The following FCAR variants were observed in gnomAD, a reference collection of about 807,000 sequenced individuals.
FCAR encodes Fc alpha receptor, also known as immunoglobulin alpha Fc receptor.
FCAR carries 21 observed loss-of-function variants against 27.1 expected under a neutral mutation model. The observed-to-expected ratio is 0.77, with a 90% CI of 0.55 to 1.11. FCAR has a LOEUF of 1.11. Ranked by LOEUF, FCAR falls within the 50% of genes most tolerant of loss-of-function variation. The pLI, the probability that FCAR is intolerant of heterozygous loss-of-function variation, is 0.00. For missense variants in FCAR, 404 were observed against 358.4 expected, an observed-to-expected ratio of 1.13 and a Z score of -1.03; for synonymous variants, 134 against 135.8, an observed-to-expected ratio of 0.99 and a Z score of 0.09.
chr19:54,876,345 C>G (rs1364929722), intron 2 of FCAR, among the ~76,000 whole-genome samples: 1 of 152,124 alleles, frequency 6.6e-6, no homozygotes, highest in Non-Finnish European at 1.5e-5. Flanking sequence ...ATTGCTCTAG[C>G]TAGGACCTCC....
Position 54,886,262 on chromosome 19 carries a change from A to ACAC in FCAR, c.361+737_361+738insCAC, listed in dbSNP as rs927463803. ...GACTCCATCTCACACACACACACAC[A>ACAC]AAAAGATTTCACATTGCATTCAGGT... On this transcript the variant is annotated intron_variant, in intron 3 of 4. Transcript: ENST00000355524. Among the ~76,000 whole-genome samples the ACAC allele has an allele frequency of 2.0e-4, 29 of 145,346 alleles. No individual in the cohort carries two copies. The South Asian group carries it at 2.2e-3, about 11-fold the overall frequency.
At chr19:54,888,678 G>C in intron 4 of FCAR, 5 of 575,598 alleles carry the variant, frequency 8.7e-6, no homozygotes, top group Non-Finnish European at 1.1e-5. Context: ...CTCCTGAGTA[G>C]CTGGGACCAC....
rs587749443 is a variant in FCAR, at chr19:54,889,705, C to A, written c.706C>A (p.Leu236Met). 1.4e-4 allele frequency: 224 copies of A among 1,614,154 alleles called. No individual in the cohort carries two copies. In the South Asian group the frequency reaches 2.3e-3, roughly 17 times the overall value. ...CTTGATCCGCATGGCCGTGGCAGGA[C>A]TGGTCCTCGTGGCTCTCTTGGCCAT... ...QNLIRMAVAG[L>M]VLVALLAILV... Residue 236 changes from leucine to methionine, a missense_variant, in exon 5 of 5, where the codon CTG becomes ATG. By Grantham distance (15) the Leu-to-Met change is conservative. Coordinates refer to ENST00000355524, the MANE Select transcript of FCAR (RefSeq NM_002000.4).
At chr19:54,881,144 C>T (rs1448300217) in intron 2 of FCAR, among the ~76,000 whole-genome samples, 5 of 152,138 alleles carry the variant, frequency 3.3e-5, no homozygotes, top group Non-Finnish European at 5.9e-5. Flanking sequence ...TGGAACTCCA[C>T]CCCAGAGAGA....
At position 54,889,804 on chromosome 19, in the gene FCAR, A is replaced by G. The variant is rs16986050; in HGVS notation, c.805A>G (p.Ser269Gly). The change falls in exon 5 of 5, where the codon AGC (serine) becomes GGC (glycine). Residue 269 changes from serine (S) to glycine (G), a missense_variant. Ser to Gly is a moderately conservative substitution (Grantham distance 56, BLOSUM62 0). Transcript: ENST00000355524. Reference sequence around the variant, plus strand: ...GGCAGATGTGGCTGAACCGAGCTGGAGCCAACAGATGTGTCAGCCAGGATT... The same window carrying G: ...GGCAGATGTGGCTGAACCGAGCTGGGGCCAACAGATGTGTCAGCCAGGATT... ...ASADVAEPSWSQQMCQPGLTF... is the reference protein window; with the variant it reads ...ASADVAEPSWGQQMCQPGLTF... 277,462 of 1,611,724 alleles carry G rather than the reference A, an allele frequency of 0.17. 26,796 individuals carry two copies. The highest frequency in any genetic ancestry group is 0.31 in the African/African-American group (23,563 of 74,916).
intron 2 of FCAR, among the ~76,000 whole-genome samples, chr19:54,877,785 A>G (rs1361519451): frequency 6.6e-6 from 1 of 152,140 alleles, no homozygotes; most frequent in Non-Finnish European, 1.5e-5. Context: ...AGATTCTGCT[A>G]TATTTACCCA....
chr19:54,881,853 C>A (rs1027915199), intron 2 of FCAR, among the ~76,000 whole-genome samples: 1 of 151,934 alleles, frequency 6.6e-6, no homozygotes, highest in African/African-American at 2.4e-5. Flanking sequence ...TGCACTGCAG[C>A]GTGGGCGACA....
chr19:54,881,239 AG>A (rs1313552117), intron 2 of FCAR, among the ~76,000 whole-genome samples: 6 of 152,254 alleles, frequency 3.9e-5, no homozygotes, highest in African/African-American at 1.4e-4. Context: ...AGTGATGAGC[AG>A]GGGGGACAGG....
chr19:54,886,690 G>A (rs12972637), intron 3 of FCAR, among the ~76,000 whole-genome samples: 48,283 of 151,832 alleles, frequency 0.32, 7,998 homozygotes, highest in Admixed American at 0.44. Context: ...CACCGTGCCC[G>A]GCAGGTGTCA....
At chr19:54,876,612 A>T (rs984470842) in intron 2 of FCAR, among the ~76,000 whole-genome samples, 1 of 152,140 alleles carries the variant, frequency 6.6e-6, no homozygotes, top group Admixed American at 6.6e-5. Context: ...TTATGTGATG[A>T]ATCATATTTA....
Position 54,890,366 on chromosome 19 carries a change from T to G in FCAR, c.*503T>G, listed in dbSNP as rs10414707. 0.12 allele frequency: 18,439 copies of G among 152,336 alleles called. 1,259 individuals are homozygous for G. Among genetic ancestry groups the G allele is most frequent in the African/African-American group, 0.18 (7,375 of 41,490 alleles). 9.4% of individuals were successfully genotyped at this position (152,336 alleles called of 1,614,324 possible). A position where few individuals can be genotyped will look rare whatever the true frequency, so the allele number is the denominator to read the frequency against. ...TCCATCTTATCTGTCTTCTGATTTT[T>G]TATATCCTGTTTAATTTCTTCCTTC... On this transcript the variant is annotated 3_prime_UTR_variant, in exon 5 of 5. Transcript: ENST00000355524.
intron 3 of FCAR, among the ~76,000 whole-genome samples, chr19:54,886,261 CA>C (rs373425266): frequency 8.9e-6 from 1 of 112,346 alleles, no homozygotes; most frequent in African/African-American, 3.0e-5. Flanking sequence ...CACACACACA[CA>C]AAAAGATTTC....
intron 2 of FCAR, among the ~76,000 whole-genome samples, chr19:54,883,075 C>T (rs994098468): frequency 4.6e-5 from 7 of 152,052 alleles, no homozygotes; most frequent in African/African-American, 1.2e-4. Context: ...GGCACAATCT[C>T]GGCTCACTGC....
At chr19:54,877,181 CTCT>C (rs2066145015) in intron 2 of FCAR, among the ~76,000 whole-genome samples, 1 of 152,178 alleles carries the variant, frequency 6.6e-6, no homozygotes, top group Admixed American at 6.5e-5. Context: ...ATAGTACCAG[CTCT>C]TCTTTATATA....
chr19:54,886,297 C>CTTTTTTTTTTTTTTTTTTTTTTTTTT (rs2066718728), intron 3 of FCAR, among the ~76,000 whole-genome samples: 1 of 80,088 alleles, frequency 1.2e-5, no homozygotes. Context: ...TGTCATGTAT[C>CTTTTTTTTTTTTTTTTTTTTTTTTTT]TTTATTTTTT....
chr19:54,891,025 C>T lies in FCAR; in HGVS notation c.*1162C>T, dbSNP rs1016192249. ...CAAGGAATACAGGCATGTGTTTCAC[C>T]TCATTAATTTATTTTTTCACTTAGT... On this transcript the variant is annotated 3_prime_UTR_variant, in exon 5 of 5. Transcript: ENST00000355524. The T allele has an allele frequency of 3.9e-5, 6 of 152,272 alleles. No individual in the cohort carries two copies. Among genetic ancestry groups the T allele is most frequent in the Non-Finnish European group, 7.4e-5 (5 of 68,026 alleles). 9.4% of individuals were successfully genotyped at this position (152,272 alleles called of 1,614,324 possible).
At chr19:54,889,510 T>C (rs889754917) in intron 4 of FCAR, 139 bp from the exon 5 acceptor site, 7 of 711,006 alleles carry the variant, frequency 9.8e-6, no homozygotes, top group African/African-American at 5.2e-5. Flanking sequence ...TGGCGAAGCA[T>C]GAGCTCATTG....
At chr19:54,885,900 T>TC (rs1250508221) in intron 3 of FCAR, among the ~76,000 whole-genome samples, 17 of 152,160 alleles carry the variant, frequency 1.1e-4, no homozygotes, top group Non-Finnish European at 1.8e-4. Flanking sequence ...TCACCCAAGG[T>TC]CAGGAGTTCG....
intron 1 of FCAR, among the ~76,000 whole-genome samples, chr19:54,875,023 TA>T (rs2066012144): frequency 6.6e-6 from 1 of 152,010 alleles, no homozygotes; most frequent in East Asian, 1.9e-4. Context: ...ACAAAAAAAT[TA>T]GCCAGGCGTG....
Sources: allele counts gnomAD v4.1 joint callset (sites outside exome capture counted in the v4.1 genomes callset), GRCh38; gene constraint gnomAD v4.1.1; transcripts MANE v1.5; gene names NCBI Gene and HGNC (gene_info 2026-07-23, HGNC 2026-07-21).